The following SV2C variants were observed in gnomAD, a reference collection of about 807,000 sequenced individuals.
The protein encoded by SV2C is solute carrier family 22 member B3.
SV2C carries 49 observed loss-of-function variants against 79.7 expected under a neutral mutation model. That is an observed-to-expected ratio of 0.61 (90% CI 0.49 to 0.78). The LOEUF is 0.78. Ranked by LOEUF, SV2C falls within the 30% of genes least tolerant of loss-of-function variation. SV2C has a pLI of 0.00. For synonymous variants in SV2C, 334 were observed against 333.2 expected (o/e 1.00, Z -0.03); for missense variants, 833 against 912.9 (o/e 0.91, Z 1.13).
chr5:76,132,765 T>C (rs1302524785), intron 2 of SV2C, among the ~76,000 whole-genome samples: 2 of 152,172 alleles, frequency 1.3e-5, no homozygotes, highest in East Asian at 3.8e-4. Flanking sequence ...TGATTTCAAA[T>C]GTCAATTTTT....
intron 6 of SV2C, 41 bp from the exon 7 acceptor site, chr5:76,291,180 A>C: frequency 1.3e-6 from 2 of 1,500,886 alleles, no homozygotes; most frequent in Non-Finnish European, 1.8e-6. Flanking sequence ...CAGCAACTTC[A>C]GAGAAGGTAA....
At chr5:75,848,333 T>C in the SV2C span, among the ~76,000 whole-genome samples, 2 of 152,174 alleles carry the variant, frequency 1.3e-5, no homozygotes, top group Non-Finnish European at 2.9e-5. Context: ...ATATCAGCAG[T>C]AGACACTAGC....
the SV2C span, among the ~76,000 whole-genome samples, chr5:75,946,146 C>G: frequency 6.6e-6 from 1 of 152,102 alleles, no homozygotes; most frequent in African/African-American, 2.4e-5. Context: ...TGATGAGTCT[C>G]TACCTGGATT....
At chr5:75,877,639 G>A in the SV2C span, among the ~76,000 whole-genome samples, 2 of 151,414 alleles carry the variant, frequency 1.3e-5, no homozygotes, top group Non-Finnish European at 2.9e-5. Flanking sequence ...ACAAATAGGT[G>A]GAAATTAAAC....
chr5:76,111,614 C>A (rs1043487072), intron 1 of SV2C, among the ~76,000 whole-genome samples: 1 of 152,198 alleles, frequency 6.6e-6, no homozygotes, highest in South Asian at 2.1e-4. Context: ...CCGTACTGGC[C>A]GTGGCAGAAA....
the SV2C span, among the ~76,000 whole-genome samples, chr5:76,053,372 C>CATCAGACCAAATATCAGAT: frequency 0.025 from 3,841 of 152,238 alleles, 64 homozygotes; most frequent in South Asian, 0.049. Flanking sequence ...ACGTGTGAGC[C>CATCAGACCAAATATCAGAT]ATCAGACCAA....
chr5:76,176,456 A>C (rs1332328168), intron 2 of SV2C, among the ~76,000 whole-genome samples: 1 of 152,024 alleles, frequency 6.6e-6, no homozygotes, highest in African/African-American at 2.4e-5. Context: ...GAGAAAGTTC[A>C]CTCCACATAT....
At chr5:75,914,583 G>C in the SV2C span, among the ~76,000 whole-genome samples, 3 of 152,148 alleles carry the variant, frequency 2.0e-5, no homozygotes, top group African/African-American at 7.2e-5. Context: ...TTTGTGAATT[G>C]GTTCAGTGAA....
At chr5:76,136,621 A>C (rs912939318) in intron 2 of SV2C, among the ~76,000 whole-genome samples, 4 of 152,036 alleles carry the variant, frequency 2.6e-5, no homozygotes, top group Admixed American at 2.0e-4. Context: ...ACTGATGAAA[A>C]CTCATCTAGG....
the SV2C span, among the ~76,000 whole-genome samples, chr5:76,018,722 T>C: frequency 1.3e-5 from 2 of 152,076 alleles, no homozygotes; most frequent in Non-Finnish European, 2.9e-5. Context: ...AAGGAAGAGG[T>C]TGGGGAAGAA....
chr5:76,220,647 G>A (rs1475180926), intron 4 of SV2C, among the ~76,000 whole-genome samples: 2 of 148,486 alleles, frequency 1.3e-5, no homozygotes, highest in Non-Finnish European at 3.0e-5. Flanking sequence ...GAATTGACTA[G>A]ATAGAAAGGA....
the SV2C span, among the ~76,000 whole-genome samples, chr5:75,965,159 G>C: frequency 6.6e-6 from 1 of 152,106 alleles, no homozygotes; most frequent in African/African-American, 2.4e-5. Context: ...CAGAACTGCA[G>C]TTAAGGGGAA....
In SV2C at chr5:76,254,717, C is replaced by G. The variant is rs528399246; in HGVS notation, c.914-30445C>G. ...GCTTAATTAAATACTAATAATTGTA[C>G]TAAATCCAAAATGTTAATTATGTTT... On this transcript the variant is annotated intron_variant, in intron 4 of 12. Coordinates refer to ENST00000502798, the MANE Select transcript of SV2C (RefSeq NM_014979.4). 1.5e-3 allele frequency among the ~76,000 whole-genome samples: 221 copies of G among 152,320 alleles called. 1 individual carries two copies. The highest frequency in any genetic ancestry group is 4.3e-3 in the Admixed American group (66 of 15,300).
chr5:76,266,281 C>A (rs10063681), intron 4 of SV2C, among the ~76,000 whole-genome samples: 1 of 152,034 alleles, frequency 6.6e-6, no homozygotes, highest in South Asian at 2.1e-4. Flanking sequence ...AATCTCAGCT[C>A]ACTGCAACCT....
chr5:75,978,354 G>C, the SV2C span, among the ~76,000 whole-genome samples: 1 of 152,048 alleles, frequency 6.6e-6, no homozygotes, highest in Non-Finnish European at 1.5e-5. Context: ...TCAGGGATTG[G>C]CTCTGAGACC....
At chr5:76,348,153 A>C (rs1415831078) in intron 12 of SV2C, among the ~76,000 whole-genome samples, 1 of 152,218 alleles carries the variant, frequency 6.6e-6, no homozygotes. Flanking sequence ...TCCAAATGTC[A>C]TATAGTTAGA....
At chr5:76,276,741 C>CT (rs5868818) in intron 4 of SV2C, among the ~76,000 whole-genome samples, 21,120 of 139,500 alleles carry the variant, frequency 0.15, 1,994 homozygotes, top group African/African-American at 0.28. Flanking sequence ...TCTTTCTTTT[C>CT]TTTTTTTTTT....
chr5:75,912,506 GT>G, the SV2C span, among the ~76,000 whole-genome samples: 2 of 151,932 alleles, frequency 1.3e-5, no homozygotes, highest in Admixed American at 1.3e-4. Flanking sequence ...AAATAAAATA[GT>G]TTTTTCTCCT....
chr5:75,870,877 T>A, the SV2C span, among the ~76,000 whole-genome samples: 5 of 152,206 alleles, frequency 3.3e-5, no homozygotes, highest in Non-Finnish European at 7.3e-5. Flanking sequence ...TTTAAACTGC[T>A]AAAGAAATAT....
Sources: allele counts gnomAD v4.1 joint callset (sites outside exome capture counted in the v4.1 genomes callset), GRCh38; gene constraint gnomAD v4.1.1; transcripts MANE v1.5; gene names NCBI Gene and HGNC (gene_info 2026-07-23, HGNC 2026-07-21).